The following PADI6 variants were observed in gnomAD, a reference collection of about 807,000 sequenced individuals.
The protein encoded by PADI6 is inactive protein-arginine deiminase type-6.
In PADI6, 66 loss-of-function variants were observed where a neutral mutation model predicts 78.2. The ratio of observed to expected loss-of-function variants is 0.84; its 90% CI spans 0.69 to 1.04. PADI6 has a LOEUF of 1.04. Ranked by LOEUF, PADI6 falls within the 50% of genes least tolerant of loss-of-function variation. The pLI is 0.00. For missense variants in PADI6, 854 were observed against 866.1 expected (o/e 0.99, Z 0.18); for synonymous variants, 397 against 346.9 (o/e 1.14, Z -1.60).
At position 17,388,368 on chromosome 1, in the gene PADI6, C is replaced by G. The variant is rs142556606; in HGVS notation, c.680-13C>G. The G allele has an allele frequency of 4.5e-4, 715 of 1,599,058 alleles. 7 individuals are homozygous for G. In the African/African-American group the frequency reaches 8.0e-3, roughly 18 times the overall value. ...TACTTCAGTGGCTGGTCCATCCCTTCTTTCTCTCCTAGAAGACAACTCCAG... is the reference window on the plus strand; with the variant it reads ...TACTTCAGTGGCTGGTCCATCCCTTGTTTCTCTCCTAGAAGACAACTCCAG... On this transcript the variant is annotated splice_polypyrimidine_tract_variant and intron_variant, in intron 6 of 15. Coordinates refer to ENST00000619609, the MANE Select transcript of PADI6 (RefSeq NM_207421.4).
rs559385080 is a variant in PADI6, at chr1:17,399,729, T to A, written c.1851+882T>A. Among the ~76,000 whole-genome samples, 57 of 147,688 alleles carry A rather than the reference T, an allele frequency of 3.9e-4. No homozygotes were observed. The South Asian group carries it at 0.011, about 29-fold the overall frequency. ...GCAACATAGTGAGACCCTGCAACTT[T>A]AAAAAAAAGAAAAAAAAAATGCTGG... On this transcript the variant is annotated intron_variant, in intron 15 of 15. Transcript: ENST00000619609.
chr1:17,372,940 C>A, intron 1 of PADI6, 116 bp from the exon 2 acceptor site: 1 of 1,106,596 alleles, frequency 9.0e-7, no homozygotes, highest in Non-Finnish European at 1.3e-6. Flanking sequence ...GACCACTCTG[C>A]CTCAACACCC....
At chr1:17,376,815 C>G (rs1442428445) in intron 3 of PADI6, among the ~76,000 whole-genome samples, 1 of 152,184 alleles carries the variant, frequency 6.6e-6, no homozygotes, top group East Asian at 1.9e-4. Context: ...TCTTTTAGAA[C>G]TCTAACATCT....
At chr1:17,375,595 G>T (rs1327154522) in intron 3 of PADI6, 96 bp downstream of exon 3, 1 of 1,089,956 alleles carries the variant, frequency 9.2e-7, no homozygotes, top group African/African-American at 1.6e-5. Context: ...GATTCTCCAG[G>T]TAACAAGATG....
At chr1:17,398,970 G>GGAGA (rs2075274808) in intron 15 of PADI6, 123 bp downstream of exon 15, 3 of 1,099,894 alleles carry the variant, frequency 2.7e-6, no homozygotes, top group Non-Finnish European at 3.9e-6. Flanking sequence ...GAGGAAATGG[G>GGAGA]AGGGAGACCC....
intron 6 of PADI6, among the ~76,000 whole-genome samples, chr1:17,384,305 A>G (rs67341807): frequency 0.059 from 8,996 of 152,216 alleles, 360 homozygotes; most frequent in Middle Eastern, 0.14. Context: ...ACAGGGTTCT[A>G]GAAACAGGCT....
At position 17,388,883 on chromosome 1, in the gene PADI6, G is replaced by A; in HGVS notation, c.962+3G>A. On this transcript the variant is annotated splice_donor_region_variant and intron_variant, in intron 8 of 15. Transcript: ENST00000619609. Reference sequence around the variant, plus strand: ...CCTCTGGAGGTTTACCTGTGCAGGTGAGAGACCATCAGGCTGACTGTGCCA... The same window carrying A: ...CCTCTGGAGGTTTACCTGTGCAGGTAAGAGACCATCAGGCTGACTGTGCCA... The A allele has an allele frequency of 6.2e-7, 1 of 1,611,070 alleles. No homozygotes were observed. The highest frequency in any genetic ancestry group is 1.7e-5 in the Admixed American group (1 of 59,848).
chr1:17,392,351 GTTC>G, intron 9 of PADI6, 126 bp downstream of exon 9: 1 of 664,256 alleles, frequency 1.5e-6, no homozygotes, highest in South Asian at 2.0e-5. Context: ...GGGCGGCCCT[GTTC>G]TTAGGACTTC....
intron 6 of PADI6, among the ~76,000 whole-genome samples, chr1:17,384,446 A>G (rs1302911757): frequency 6.6e-6 from 1 of 152,058 alleles, no homozygotes; most frequent in Non-Finnish European, 1.5e-5. Flanking sequence ...GATTATTTTT[A>G]TAAAGAAGCC....
At chr1:17,382,418 AG>A (rs2100298163) in intron 6 of PADI6, among the ~76,000 whole-genome samples, 1 of 152,380 alleles carries the variant, frequency 6.6e-6, no homozygotes, top group Admixed American at 6.5e-5. Flanking sequence ...TACACAGAGT[AG>A]ATCACATCTC....
chr1:17,396,992 G>GCCTGGC (rs2075253127), intron 13 of PADI6, 79 bp from the exon 14 acceptor site: 4 of 1,431,822 alleles, frequency 2.8e-6, no homozygotes, highest in Admixed American at 1.8e-5. Context: ...AGGTGGCTGG[G>GCCTGGC]CCTGGCCCGA....
Position 17,388,772 on chromosome 1 carries a change from T to C in PADI6, c.859-5T>C. 1 of 1,612,380 alleles carries C rather than the reference T, an allele frequency of 6.2e-7. No individual in the cohort carries two copies. Among genetic ancestry groups the C allele is most frequent in the South Asian group, 1.1e-5 (1 of 90,604 alleles). On this transcript the variant is annotated splice_polypyrimidine_tract_variant and splice_region_variant and intron_variant, in intron 7 of 15. Transcript: ENST00000619609. Reference sequence around the variant, plus strand: ...GGTTGCTAACAGGACCTTGTCTTGTTGCAGTCAATTCCAGAGACTGTGCTG... The same window carrying C: ...GGTTGCTAACAGGACCTTGTCTTGTCGCAGTCAATTCCAGAGACTGTGCTG...
At chr1:17,382,506 G>T (rs2075082807) in intron 6 of PADI6, among the ~76,000 whole-genome samples, 1 of 152,138 alleles carries the variant, frequency 6.6e-6, no homozygotes, top group Non-Finnish European at 1.5e-5. Context: ...GAAATCTGAG[G>T]CCAAAACCTC....
chr1:17,372,275 C>T lies in PADI6; in HGVS notation c.30C>T (p.Ser10=). 3 of 1,613,998 alleles carry T rather than the reference C, an allele frequency of 1.9e-6. No homozygotes were observed. The highest frequency in any genetic ancestry group is 1.6e-4 in the Middle Eastern group (1 of 6,062). MVSVEGRAM[S]FQSIIHLSLD... is the part of the protein sequence containing the mutation. ...TCAGCGTGGAGGGCCGAGCCATGTC[C>T]TTCCAGAGTATCATCCACCTGTCCC... The change falls in exon 1 of 16, where the codon TCC becomes TCT. Residue 10 remains serine, a synonymous_variant. Coordinates refer to ENST00000619609, the MANE Select transcript of PADI6 (RefSeq NM_207421.4).
At position 17,395,541 on chromosome 1, in the gene PADI6, G is replaced by T; in HGVS notation, c.1496G>T (p.Gly499Val). 1 of 1,552,522 alleles carries T rather than the reference G, an allele frequency of 6.4e-7. No individual in the cohort carries two copies. The highest frequency in any genetic ancestry group is 8.7e-7 in the Non-Finnish European group (1 of 1,147,442). The change falls in exon 13 of 16, where the codon GGC (glycine) becomes GTC (valine). Residue 499 changes from glycine to valine, a missense_variant and splice_region_variant. Gly to Val is a moderately radical substitution (Grantham distance 109). Transcript: ENST00000619609. ...TCTGACCCAAGTTCTGTTTCCCAGG[G>T]CTTCCTGCTGCTCCTGGCCAGCCCC... is the stretch of plus-strand genomic sequence containing the variant. Reference protein sequence around the residue: ...PTDDKNEGKKGFLLLLASPSA... With the variant: ...PTDDKNEGKKVFLLLLASPSA...
At chr1:17,378,957 G>GT (rs1491091992) in intron 3 of PADI6, among the ~76,000 whole-genome samples, 2 of 135,662 alleles carry the variant, frequency 1.5e-5, no homozygotes, top group African/African-American at 6.3e-5. Flanking sequence ...ATTTTTTTTG[G>GT]GGGGGGGGAC....
At chr1:17,372,430 T>TA in intron 1 of PADI6, 69 bp downstream of exon 1, 1 of 1,422,380 alleles carries the variant, frequency 7.0e-7, no homozygotes, top group Non-Finnish European at 9.9e-7. Context: ...CCAGTCCCCT[T>TA]GATCTGGGAG....
chr1:17,389,579 A>G (rs1544066), intron 8 of PADI6, among the ~76,000 whole-genome samples: 100,420 of 152,080 alleles, frequency 0.66, 33,359 homozygotes, highest in African/African-American at 0.72. Context: ...CACTTCTCAC[A>G]TGCCAAAATC....
At chr1:17,391,182 C>G (rs2075179358) in intron 8 of PADI6, among the ~76,000 whole-genome samples, 1 of 151,582 alleles carries the variant, frequency 6.6e-6, no homozygotes, top group African/African-American at 2.4e-5. Flanking sequence ...TGACCTCCAA[C>G]TTTTGAGGAC....
Sources: allele counts gnomAD v4.1 joint callset (sites outside exome capture counted in the v4.1 genomes callset), GRCh38; gene constraint gnomAD v4.1.1; transcripts MANE v1.5; gene names NCBI Gene and HGNC (gene_info 2026-07-23, HGNC 2026-07-21).